TUBE1: variants seen among roughly 807,000 people sequenced by gnomAD.
TUBE1 encodes tubulin epsilon chain.
Under a neutral mutation model 53.5 loss-of-function variants are expected in TUBE1, and 34 were observed. The ratio of observed to expected loss-of-function variants is 0.64; its 90% CI spans 0.48 to 0.85. The LOEUF is 0.85. Among genes scored for constraint, TUBE1 ranks in the 40% least tolerant of loss-of-function variants. The pLI is 0.00. For synonymous variants in TUBE1, 177 were observed against 198.4 expected (o/e 0.89, Z 0.91); for missense variants, 532 against 570.5 (o/e 0.93, Z 0.69).
rs376693173 is a variant in TUBE1, at chr6:112,072,928, C to T, written c.954-30G>A. The T allele has an allele frequency of 1.8e-5, 29 of 1,606,712 alleles. No homozygotes were observed. In the South Asian group the frequency reaches 2.8e-4, roughly 15 times the overall value. On this transcript the variant is annotated intron_variant, in intron 9 of 11. Transcript: ENST00000368662. The stretch of plus-strand genomic sequence containing the variant: ...AACAATGAAATTGTCATTGTTTATA[C>T]AAAATATTACTTCTTTCTATGTATA...
rs782313596 is a variant in TUBE1 at position 112,079,665 on chromosome 6, T to G, written c.416A>C (p.Gln139Pro). Reference sequence around the variant, plus strand: ...CATGGAATGTATTATAAAGAAACACTGCAAGCAATCACAGTGCTCTGCCGA... The same window carrying G: ...CATGGAATGTATTATAAAGAAACACGGCAAGCAATCACAGTGCTCTGCCGA... ...RKSAEHCDCL[Q>P]CFFIIHSMGG... The change falls in exon 6 of 12, where the codon CAG (glutamine) becomes CCG (proline). Residue 139 changes from glutamine to proline, a missense_variant. By Grantham distance (76) the Gln-to-Pro change is moderately conservative (BLOSUM62 -1). Transcript: ENST00000368662. The G allele has an allele frequency of 6.2e-7, 1 of 1,612,624 alleles. No individual in the cohort carries two copies. Among genetic ancestry groups the G allele is most frequent in the South Asian group, 1.1e-5 (1 of 90,902 alleles).
At chr6:112,081,405 G>T (rs1053308597) in intron 4 of TUBE1, among the ~76,000 whole-genome samples, 198 bp from the exon 5 acceptor site, 30 of 151,918 alleles carry the variant, frequency 2.0e-4, no homozygotes, top group Non-Finnish European at 1.5e-4. Flanking sequence ...ATTAAAAAAT[G>T]GATTCTAAAT....
chr6:112,072,952 T>C, intron 9 of TUBE1, 54 bp from the exon 10 acceptor site: 2 of 1,577,944 alleles, frequency 1.3e-6, no homozygotes, highest in Non-Finnish European at 1.7e-6. Context: ...TTTCTATGTA[T>C]AACTATAAAA....
chr6:112,076,491 C>A lies in TUBE1; in HGVS notation c.467G>T (p.Gly156Val), dbSNP rs1400705143. 2 of 1,606,490 alleles carry A rather than the reference C, an allele frequency of 1.2e-6. No homozygotes were observed. Among genetic ancestry groups the A allele is most frequent in the Non-Finnish European group, 1.7e-6 (2 of 1,177,086 alleles). ...TTCAAGCACCTTTAAAAGAAATGTG[C>A]CAAGTCCAGATCCTGTTCCTGAGGA... ...SMGGGTGSGL[G>V]TFLLKVLEDE... The change falls in exon 7 of 12, where the codon GGC (glycine) becomes GTC (valine). Residue 156 changes from glycine to valine, a missense_variant. Physicochemically the swap from Gly to Val is moderately radical, Grantham distance 109. Coordinates refer to ENST00000368662, the MANE Select transcript of TUBE1 (RefSeq NM_016262.5).
At chr6:112,077,119 T>C (rs1554316190) in intron 6 of TUBE1, 1 of 152,202 alleles carries the variant, frequency 6.6e-6, no homozygotes, top group East Asian at 1.9e-4. Context: ...GTGTTCAGTC[T>C]ACATTTGATA....
Position 112,072,046 on chromosome 6 carries a change from C to T in TUBE1, c.1125G>A (p.Trp375Ter), listed in dbSNP as rs782198413. The T allele has an allele frequency of 6.3e-7, 1 of 1,598,702 alleles. No homozygotes were observed. Among genetic ancestry groups the T allele is most frequent in the South Asian group, 1.1e-5 (1 of 88,080 alleles). The change falls in exon 11 of 12, where the codon TGG becomes TGA. Residue 375 changes from tryptophan to a stop codon, truncating the protein, a stop_gained. Transcript: ENST00000368662. LOFTEE classifies it high-confidence loss of function. ...GGCTGGTCTTCCAGCCTTCTTGATT[C>T]CAGGAGACAAATTGTAGAGATGGTT... ...RLKPSLQFVS[W>*]NQEGWKTSLC...
chr6:112,079,500 A>G (rs1777033624), intron 6 of TUBE1, 133 bp downstream of exon 6: 1 of 750,930 alleles, frequency 1.3e-6, no homozygotes, highest in Non-Finnish European at 2.1e-6. Flanking sequence ...GTATGTTTAT[A>G]TACTCAAACT....
intron 10 of TUBE1, 100 bp downstream of exon 10, chr6:112,072,658 A>G: frequency 8.0e-7 from 1 of 1,256,480 alleles, no homozygotes; most frequent in South Asian, 1.5e-5. Context: ...CACTTTAGTA[A>G]GTGGCACTGC....
chr6:112,086,494 T>A, intron 3 of TUBE1, 62 bp downstream of exon 3: 1 of 1,300,592 alleles, frequency 7.7e-7, no homozygotes, highest in Non-Finnish European at 1.1e-6. Context: ...CTTTGAAGAA[T>A]TCTCTCCCAA....
intron 2 of TUBE1, chr6:112,086,886 TA>T: frequency 8.2e-6 from 4 of 488,596 alleles, no homozygotes; most frequent in Non-Finnish European, 1.4e-5. Context: ...GGATTCTTCG[TA>T]ATCTTTTTAA....
intron 2 of TUBE1, 129 bp from the exon 3 acceptor site, chr6:112,086,737 A>C: frequency 1.6e-6 from 1 of 627,014 alleles, no homozygotes; most frequent in East Asian, 2.8e-5. Context: ...CAAGTATCAC[A>C]AAATGCGGAG....
rs186138194 is a variant in TUBE1, at chr6:112,071,008, A to C, written c.*404T>G. Reference sequence around the variant, plus strand: ...ATATTGTGTTCTTCTACTCCCAATAACTACTTTTAAAGAATCAGGATAACT... The same window carrying C: ...ATATTGTGTTCTTCTACTCCCAATACCTACTTTTAAAGAATCAGGATAACT... On this transcript the variant is annotated 3_prime_UTR_variant, in exon 12 of 12. Coordinates refer to ENST00000368662, the MANE Select transcript of TUBE1 (RefSeq NM_016262.5). The C allele has an allele frequency of 1.3e-5, 2 of 152,208 alleles. No individual in the cohort carries two copies. The highest frequency in any genetic ancestry group is 4.8e-5 in the African/African-American group (2 of 41,588). The allele number at this position is 152,208 out of a possible 1,614,324, so 9.4% of individuals were successfully genotyped here. A position where few individuals can be genotyped will look rare whatever the true frequency, so the allele number is the denominator to read the frequency against.
intron 3 of TUBE1, chr6:112,085,643 T>C (rs1050041001): frequency 2.5e-5 from 12 of 470,938 alleles, no homozygotes; most frequent in African/African-American, 2.2e-4. Context: ...ATAAAATAAA[T>C]ATAAATGATA....
chr6:112,074,901 C>T (rs1416495183), intron 8 of TUBE1, 51 bp from the exon 9 acceptor site: 1 of 1,300,644 alleles, frequency 7.7e-7, no homozygotes, highest in Non-Finnish European at 1.0e-6. Flanking sequence ...AAATTATACA[C>T]TTTAAATGTA....
intron 8 of TUBE1, 22 bp from the exon 9 acceptor site, chr6:112,074,872 G>T: frequency 6.6e-7 from 1 of 1,525,006 alleles, no homozygotes; most frequent in Non-Finnish European, 8.8e-7. Flanking sequence ...ACATTAAAAT[G>T]AGAAAATTTT....
intron 2 of TUBE1, 134 bp from the exon 3 acceptor site, chr6:112,086,742 G>T (rs1371210001): frequency 1.6e-6 from 1 of 619,388 alleles, no homozygotes; most frequent in Non-Finnish European, 2.8e-6. Flanking sequence ...ATCACAAAAT[G>T]CGGAGCCTGA....
At chr6:112,074,193 A>G (rs1776916307) in intron 9 of TUBE1, among the ~76,000 whole-genome samples, 1 of 152,186 alleles carries the variant, frequency 6.6e-6, no homozygotes, top group African/African-American at 2.4e-5. Flanking sequence ...TTTTTTGTTA[A>G]GTATACTGAT....
At chr6:112,072,967 G>C in intron 9 of TUBE1, 69 bp from the exon 10 acceptor site, 1 of 1,487,330 alleles carries the variant, frequency 6.7e-7, no homozygotes, top group Non-Finnish European at 9.2e-7. Context: ...ATAAAATGAA[G>C]ATAGTCCTCT....
intron 6 of TUBE1, chr6:112,079,404 C>CT: frequency 2.8e-6 from 1 of 358,692 alleles, no homozygotes; most frequent in Non-Finnish European, 4.8e-6. Context: ...TCTGTTGACT[C>CT]TTAAGAGGGC....
Sources: allele counts gnomAD v4.1 joint callset (sites outside exome capture counted in the v4.1 genomes callset), GRCh38; gene constraint gnomAD v4.1.1; transcripts MANE v1.5; gene names NCBI Gene and HGNC (gene_info 2026-07-23, HGNC 2026-07-21).